IQSEC2: variants seen among roughly 807,000 people sequenced by gnomAD.
IQSEC2 encodes IQ motif and SEC7 domain-containing protein 2.
In IQSEC2, 6 loss-of-function variants were observed where a neutral mutation model predicts 74.6. The ratio of observed to expected loss-of-function variants is 0.08; its 90% CI spans 0.04 to 0.16. IQSEC2 has a LOEUF of 0.16. Among genes scored for constraint, IQSEC2 ranks in the 10% least tolerant of loss-of-function variants. IQSEC2 has a pLI of 1.00. For synonymous variants in IQSEC2, 494 were observed against 544.5 expected (o/e 0.91, Z 1.29); for missense variants, 734 against 1,306.2 (o/e 0.56, Z 6.75).
At chrX:53,245,440 A>T (rs1398185650) in intron 8 of IQSEC2, among the ~76,000 whole-genome samples, 1 of 108,762 alleles carries the variant, frequency 9.2e-6, no homozygotes, top group Non-Finnish European at 1.9e-5. Flanking sequence ...AAAATAAAAA[A>T]AAAAAAAACA....
intron 2 of IQSEC2, among the ~76,000 whole-genome samples, chrX:53,282,773 G>A (rs183292645): frequency 0.011 from 475 of 44,336 alleles, 2 homozygotes; most frequent in African/African-American, 0.021. Flanking sequence ...CTTAGCATCT[G>A]CCTTTTTTTT....
chrX:53,308,927 G>A (rs1432577512), intron 1 of IQSEC2, among the ~76,000 whole-genome samples: 1 of 107,328 alleles, frequency 9.3e-6, no homozygotes, highest in East Asian at 2.9e-4. Flanking sequence ...GCGAGACCCC[G>A]TCTCTAAAAA....
chrX:53,292,857 T>C (rs2075115255), intron 1 of IQSEC2, among the ~76,000 whole-genome samples: 1 of 111,660 alleles, frequency 9.0e-6, no homozygotes, highest in Admixed American at 9.4e-5. Context: ...TGGTGTTCAC[T>C]GCGTGCAGGG....
intron 1 of IQSEC2, among the ~76,000 whole-genome samples, chrX:53,316,298 A>C (rs1033213391): frequency 1.8e-5 from 2 of 111,337 alleles, no homozygotes; most frequent in South Asian, 7.5e-4. Context: ...TTCCTCCCAC[A>C]CGAAGATAAT....
At chrX:53,309,239 G>A (rs2075297639) in intron 1 of IQSEC2, among the ~76,000 whole-genome samples, 1 of 111,744 alleles carries the variant, frequency 8.9e-6, no homozygotes, top group Non-Finnish European at 1.9e-5. Flanking sequence ...ACCCATTCAA[G>A]CACGTTATTT....
At chrX:53,305,765 G>A (rs1556876465) in intron 1 of IQSEC2, among the ~76,000 whole-genome samples, 1 of 111,290 alleles carries the variant, frequency 9.0e-6, no homozygotes, top group Non-Finnish European at 1.9e-5. Context: ...TCATCCCAGA[G>A]CCAAGTGGCA....
intron 4 of IQSEC2, among the ~76,000 whole-genome samples, chrX:53,253,129 G>A (rs1169002463): frequency 8.9e-6 from 1 of 112,253 alleles, no homozygotes; most frequent in African/African-American, 3.2e-5. Flanking sequence ...AGATCATAGA[G>A]GTTAGAGCAG....
intron 1 of IQSEC2, among the ~76,000 whole-genome samples, chrX:53,316,467 C>T (rs2075372022): frequency 9.0e-6 from 1 of 110,895 alleles, no homozygotes; most frequent in African/African-American, 3.3e-5. Flanking sequence ...TTAGCCCCTG[C>T]GGGGAGCATG....
At chrX:53,261,957 T>C (rs782072042) in intron 2 of IQSEC2, among the ~76,000 whole-genome samples, 2 of 111,573 alleles carry the variant, frequency 1.8e-5, no homozygotes, top group Admixed American at 1.9e-4. Context: ...ATGGCAAACG[T>C]GAGGGAAGAA....
At chrX:53,305,921 G>A (rs1483554741) in intron 1 of IQSEC2, among the ~76,000 whole-genome samples, 5 of 111,920 alleles carry the variant, frequency 4.5e-5, no homozygotes, top group African/African-American at 1.6e-4. Context: ...AGGACGGAAA[G>A]GGGGAACACC....
intron 2 of IQSEC2, among the ~76,000 whole-genome samples, chrX:53,290,625 C>T (rs1156960244): frequency 8.9e-5 from 10 of 112,031 alleles, no homozygotes; most frequent in Middle Eastern, 4.6e-3. Flanking sequence ...TCACAAACCC[C>T]TTTCCTGGAC....
intron 1 of IQSEC2, among the ~76,000 whole-genome samples, chrX:53,304,599 G>C (rs782156123): frequency 4.5e-5 from 5 of 112,235 alleles, no homozygotes; most frequent in Non-Finnish European, 7.5e-5. Flanking sequence ...AGGAAGTAAA[G>C]AGAAAAGTAT....
chrX:53,228,562 C>G (rs1293130867), downstream of IQSEC2, among the ~76,000 whole-genome samples: 1 of 112,041 alleles, frequency 8.9e-6, no homozygotes, highest in East Asian at 2.8e-4. Flanking sequence ...GGGCTCAAAA[C>G]CACACGCACC....
At chrX:53,276,773 T>A (rs922481735) in intron 2 of IQSEC2, among the ~76,000 whole-genome samples, 1 of 112,395 alleles carries the variant, frequency 8.9e-6, no homozygotes, top group Non-Finnish European at 1.9e-5. Context: ...ACTACCCCAA[T>A]ACAGCAGAAT....
At chrX:53,289,369 T>A (rs1262321223) in intron 2 of IQSEC2, among the ~76,000 whole-genome samples, 1 of 111,125 alleles carries the variant, frequency 9.0e-6, no homozygotes, top group African/African-American at 3.3e-5. Context: ...AGAAGGTCGC[T>A]GTGACCCAGT....
chrX:53,240,066 T>C (rs2074195305), intron 10 of IQSEC2, among the ~76,000 whole-genome samples: 1 of 111,702 alleles, frequency 9.0e-6, no homozygotes, highest in Admixed American at 9.5e-5. Flanking sequence ...ACATTGACTG[T>C]GTGGGCCAGG....
At chrX:53,313,971 A>G (rs1198117253) in intron 1 of IQSEC2, among the ~76,000 whole-genome samples, 1 of 112,473 alleles carries the variant, frequency 8.9e-6, no homozygotes, top group Non-Finnish European at 1.9e-5. Flanking sequence ...AGCATGAGAA[A>G]AAAGCCACAG....
chrX:53,239,144 T>C, intron 11 of IQSEC2, 51 bp downstream of exon 11: 1 of 941,357 alleles, frequency 1.1e-6, no homozygotes, highest in Non-Finnish European at 1.5e-6. Context: ...CGGGTGAGCA[T>C]GGGGGCCATG....
chrX:53,316,788 T>A (rs2075378510), intron 1 of IQSEC2, among the ~76,000 whole-genome samples: 1 of 101,999 alleles, frequency 9.8e-6, no homozygotes, highest in Non-Finnish European at 2.0e-5. Context: ...CACTCCAGCC[T>A]GAGCAGCAGA....
Sources: gnomAD v4.1 joint callset for allele counts (sites outside exome capture counted in the v4.1 genomes callset) on GRCh38, gnomAD v4.1.1 for gene constraint, MANE v1.5 for transcripts, NCBI Gene and HGNC (gene_info 2026-07-23, HGNC 2026-07-21) for gene names.